PRR19: variants seen among roughly 807,000 people sequenced by gnomAD.
PRR19 encodes the protein proline-rich protein 19.
Under a neutral mutation model 19.2 loss-of-function variants are expected in PRR19, and 9 were observed. The observed-to-expected ratio is 0.47, with a 90% CI of 0.28 to 0.82. The LOEUF is 0.82. Among genes scored for constraint, PRR19 ranks in the 40% least tolerant of loss-of-function variants. PRR19 has a pLI of 0.11. For synonymous variants in PRR19, 190 were observed against 191.0 expected (o/e 0.99, Z 0.04); for missense variants, 457 against 466.0 (o/e 0.98, Z 0.18).
rs571829683 is a variant in PRR19 at position 42,310,481 on chromosome 19, C to T, written c.812C>T (p.Ser271Leu). ...CCACCATACTTTCCCTCACTGTCTTCGCCATCTGGAACAGCCTGGGGTCCC... is the reference window on the plus strand; with the variant it reads ...CCACCATACTTTCCCTCACTGTCTTTGCCATCTGGAACAGCCTGGGGTCCC... The part of the protein sequence containing the change: ...PWPPYFPSLS[S>L]PSGTAWGPPT... The change falls in exon 3 of 3, where the codon TCG becomes TTG. Residue 271 changes from serine (S) to leucine (L), a missense_variant. Transcript: ENST00000341747. 1.1e-5 allele frequency: 17 copies of T among 1,614,184 alleles called. No individual in the cohort carries two copies. In the East Asian group the frequency reaches 1.1e-4, roughly 11 times the overall value.
In PRR19 at chr19:42,309,908, A is replaced by C; in HGVS notation, c.324A>C (p.Pro108=). 6.2e-7 allele frequency: 1 copy of C among 1,613,888 alleles called. No individual in the cohort carries two copies. The highest frequency in any genetic ancestry group is 8.5e-7 in the Non-Finnish European group (1 of 1,179,936). ...CCACACTCCCCGCCAAGCCCTCCCC[A>C]AGCCCAGGCAGGGCCCAGGAACCAG... ...GSPTLPAKPS[P]SPGRAQEPAP... The change falls in exon 2 of 3, where the codon CCA becomes CCC. Residue 108 remains proline (P), a synonymous_variant. Coordinates refer to ENST00000341747, the MANE Select transcript of PRR19 (RefSeq NM_199285.3).
intron 1 of PRR19, chr19:42,306,813 A>G (rs1451395495): frequency 1.3e-5 from 2 of 152,202 alleles, no homozygotes; most frequent in Non-Finnish European, 2.9e-5. Flanking sequence ...TGCTGAGACC[A>G]AGAAAGGGAG....
rs117105573 is a variant in PRR19 at position 42,310,276 on chromosome 19, A to C, written c.607A>C (p.Lys203Gln). 5.1e-5 allele frequency: 83 copies of C among 1,614,140 alleles called. No individual in the cohort carries two copies. Among genetic ancestry groups the C allele is most frequent in the Non-Finnish European group, 6.9e-5 (82 of 1,180,016 alleles). ...GCTTCTTTCCTCTGTGCCAGGGGCCAAGCCTGGGGTCTCTGAGAGAAAGAT... is the reference window on the plus strand; with the variant it reads ...GCTTCTTTCCTCTGTGCCAGGGGCCCAGCCTGGGGTCTCTGAGAGAAAGAT... ...RGCQPPLPGA[K>Q]PGVSERKMTP... The change falls in exon 3 of 3, where the codon AAG becomes CAG. Residue 203 changes from lysine to glutamine, a missense_variant. Transcript: ENST00000341747.
At chr19:42,305,773 A>G (rs2038700784) in intron 1 of PRR19, among the ~76,000 whole-genome samples, 1 of 152,252 alleles carries the variant, frequency 6.6e-6, no homozygotes, top group African/African-American at 2.4e-5. Flanking sequence ...TTTACAGGTC[A>G]GAAAACTAAG....
intron 1 of PRR19, 108 bp downstream of exon 1, chr19:42,302,611 G>A (rs933728107): frequency 5.2e-6 from 2 of 387,800 alleles, no homozygotes; most frequent in Middle Eastern, 7.2e-4. Context: ...CCGGCACGGG[G>A]TGGGGGGAGG....
At chr19:42,307,263 T>G (rs1266218952) in intron 1 of PRR19, among the ~76,000 whole-genome samples, 3 of 152,154 alleles carry the variant, frequency 2.0e-5, no homozygotes, top group Non-Finnish European at 4.4e-5. Flanking sequence ...CTTTCCAGAC[T>G]TCTCTTGCTG....
At chr19:42,305,946 A>G (rs2038702083) in intron 1 of PRR19, among the ~76,000 whole-genome samples, 1 of 150,988 alleles carries the variant, frequency 6.6e-6, no homozygotes, top group Non-Finnish European at 1.5e-5. Context: ...ATCTCGGCTC[A>G]CTGCATCCTC....
rs569602009 is a variant in PRR19 at position 42,307,416 on chromosome 19, C to T, written c.-6-2163C>T. On this transcript the variant is annotated intron_variant, in intron 1 of 2. Transcript: ENST00000341747. ...CCAATCTCATGACCCCTTCACCACC[C>T]TCCATCTTTTGTTGTTGTTGTTGTT... Among the ~76,000 whole-genome samples, 35 of 151,180 alleles carry T rather than the reference C, an allele frequency of 2.3e-4. No individual in the cohort carries two copies. The East Asian group carries it at 4.1e-3, about 18-fold the overall frequency.
In PRR19 at chr19:42,309,865, C is replaced by A; in HGVS notation, c.281C>A (p.Thr94Asn). Residue 94 changes from threonine to asparagine, a missense_variant, in exon 2 of 3, where the codon ACC becomes AAC. Coordinates refer to ENST00000341747, the MANE Select transcript of PRR19 (RefSeq NM_199285.3). ...LDVARLLSSG[T>N]LVPGSPTLPA... ...GTTGCAAGGCTGCTTAGCAGTGGGA[C>A]CCTGGTGCCAGGCAGCCCCACACTC... 1 of 1,614,014 alleles carries A rather than the reference C, an allele frequency of 6.2e-7. No individual in the cohort carries two copies. Among genetic ancestry groups the A allele is most frequent in the Non-Finnish European group, 8.5e-7 (1 of 1,180,024 alleles).
chr19:42,302,288 C>G lies in PRR19; in HGVS notation c.-222C>G, dbSNP rs1220299710. The G allele has an allele frequency of 1.3e-5, 21 of 1,606,170 alleles. No homozygotes were observed. Among genetic ancestry groups the G allele is most frequent in the Non-Finnish European group, 1.7e-5 (20 of 1,177,248 alleles). On this transcript the variant is annotated 5_prime_UTR_variant, in exon 1 of 3. Transcript: ENST00000341747. ...TCCTGCACCGGCGTGGGCTTGCTGG[C>G]TGGGTTCTCCTCTCCACTCATCTTG...
chr19:42,309,493 G>A (rs188460660), intron 1 of PRR19, 86 bp from the exon 2 acceptor site: 2 of 1,050,284 alleles, frequency 1.9e-6, no homozygotes, highest in Admixed American at 4.7e-5. Context: ...ACAGGCATAA[G>A]CCACCGCGCC....
intron 1 of PRR19, among the ~76,000 whole-genome samples, chr19:42,305,677 A>T (rs563943692): frequency 2.6e-4 from 39 of 152,302 alleles, no homozygotes; most frequent in Middle Eastern, 3.4e-3. Context: ...TTCTTCATTC[A>T]CCAGGCCCAT....
chr19:42,307,747 CTTTTTTTTTTTTTTTT>C (rs759101368), intron 1 of PRR19, among the ~76,000 whole-genome samples: 1 of 83,578 alleles, frequency 1.2e-5, no homozygotes, highest in Non-Finnish European at 2.3e-5. Flanking sequence ...CACCCTCCAT[CTTTTTTTTTTTTTTTT>C]TTTTTTTTTT....
intron 1 of PRR19, among the ~76,000 whole-genome samples, chr19:42,305,423 C>T (rs1052812996): frequency 1.3e-3 from 202 of 151,558 alleles, no homozygotes; most frequent in African/African-American, 4.6e-3. Flanking sequence ...GGACTACAGG[C>T]GTGTGCCACC....
At chr19:42,306,512 C>T (rs918302866) in intron 1 of PRR19, among the ~76,000 whole-genome samples, 2 of 151,986 alleles carry the variant, frequency 1.3e-5, no homozygotes, top group African/African-American at 4.8e-5. Context: ...CTATGTTGTC[C>T]AGGGTGGTCT....
rs1482990729 is a variant in PRR19 at position 42,307,701 on chromosome 19, C to T, written c.-6-1878C>T. On this transcript the variant is annotated intron_variant, in intron 1 of 2. Coordinates refer to ENST00000341747, the MANE Select transcript of PRR19 (RefSeq NM_199285.3). ...CTACCCACCTCGGCCTCCCAAAGTG[C>T]TGGGACTACAGGCGTGAGCCACTGC... is the stretch of plus-strand genomic sequence containing the variant. 4.8e-5 allele frequency among the ~76,000 whole-genome samples: 7 copies of T among 146,326 alleles called. No individual in the cohort carries two copies. The South Asian group carries it at 1.4e-3, about 29-fold the overall frequency.
chr19:42,305,938 C>T (rs2038702019), intron 1 of PRR19, among the ~76,000 whole-genome samples: 1 of 151,710 alleles, frequency 6.6e-6, no homozygotes, highest in Non-Finnish European at 1.5e-5. Context: ...GTGGTGTGAT[C>T]TCGGCTCACT....
chr19:42,306,378 T>C (rs566609328), intron 1 of PRR19, among the ~76,000 whole-genome samples: 1 of 152,236 alleles, frequency 6.6e-6, no homozygotes, highest in East Asian at 1.9e-4. Context: ...TTTCACCGTG[T>C]TAGCCAGGAT....
chr19:42,303,067 GTGTGTGTGT>G (rs1568539714), intron 1 of PRR19, among the ~76,000 whole-genome samples: 4,022 of 118,684 alleles, frequency 0.034, 194 homozygotes, highest in African/African-American at 0.16. Context: ...CACCGTGGGT[GTGTGTGTGT>G]GTGTGTGTGT....
Sources: allele counts gnomAD v4.1 joint callset (sites outside exome capture counted in the v4.1 genomes callset), GRCh38; gene constraint gnomAD v4.1.1; transcripts MANE v1.5; gene names NCBI Gene and HGNC (gene_info 2026-07-23, HGNC 2026-07-21).